The following FLT1 variants were observed in gnomAD, a reference collection of about 807,000 sequenced individuals.
The protein encoded by FLT1 is fms related receptor tyrosine kinase 1.
FLT1 carries 49 observed loss-of-function variants against 156.3 expected under a neutral mutation model. That is an observed-to-expected ratio of 0.31 (90% CI 0.25 to 0.40). FLT1 has a LOEUF of 0.40. Ranked by LOEUF, FLT1 falls within the 10% of genes least tolerant of loss-of-function variation. The pLI is 1.00. For missense variants in FLT1, 1,322 were observed against 1,637.2 expected (o/e 0.81, Z 3.32); for synonymous variants, 594 against 583.8 (o/e 1.02, Z -0.25).
In FLT1 at chr13:28,301,686, TCAAA is replaced by T. The variant is rs1870523209; in HGVS notation, c.*1477_*1480del. Reference sequence around the variant, plus strand: ...TAGACCCTAACTTGCATAAATAGCATCAAACAGAGCCAGCTTAGCGATCCAAGGC... The same window carrying T: ...TAGACCCTAACTTGCATAAATAGCATCAGAGCCAGCTTAGCGATCCAAGGC... On this transcript the variant is annotated 3_prime_UTR_variant, in exon 30 of 30. Coordinates refer to ENST00000282397, the MANE Select transcript of FLT1 (RefSeq NM_002019.4). 1 of 233,122 alleles carries T rather than the reference TCAAA, an allele frequency of 4.3e-6. No individual in the cohort carries two copies. Among genetic ancestry groups the T allele is most frequent in the African/African-American group, 2.2e-5 (1 of 45,316 alleles). The allele number at this position is 233,122 out of a possible 1,614,324, so 14.4% of individuals were successfully genotyped here.
In FLT1 at chr13:28,427,755, T is replaced by C; in HGVS notation, c.1273A>G (p.Asn425Asp). 1 of 1,613,708 alleles carries C rather than the reference T, an allele frequency of 6.2e-7. No individual in the cohort carries two copies. Among genetic ancestry groups the C allele is most frequent in the Non-Finnish European group, 8.5e-7 (1 of 1,179,604 alleles). ...FKNLTATLIV[N>D]VKPQIYEKAV... ...AAAGTATGAACAGCAAACTTACCAT[T>C]GACAATTAGAGTGGCAGTGAGGTTT... The change falls in exon 9 of 30, where the codon AAT (asparagine) becomes GAT (aspartate). Residue 425 changes from asparagine (N) to aspartate (D), a missense_variant. This residue lies in a region of FLT1 where 991 missense variants were observed against 1,254.8 expected (regional missense o/e 0.79). Coordinates refer to ENST00000282397, the MANE Select transcript of FLT1 (RefSeq NM_002019.4).
chr13:28,480,799 C>A (rs1287359560), intron 1 of FLT1, among the ~76,000 whole-genome samples: 3 of 152,146 alleles, frequency 2.0e-5, no homozygotes, highest in African/African-American at 7.2e-5. Flanking sequence ...CCTGACTTCA[C>A]CTGCCACTAG....
chr13:28,322,434 G>T lies in FLT1; in HGVS notation c.2954-75C>A, dbSNP rs1566285611. Reference sequence around the variant, plus strand: ...CCAAATCCCAGTTTATTGGAACAATGTTAGCAAAACATAAAACAAACCAAC... The same window carrying T: ...CCAAATCCCAGTTTATTGGAACAATTTTAGCAAAACATAAAACAAACCAAC... On this transcript the variant is annotated intron_variant, in intron 21 of 29. Coordinates refer to ENST00000282397, the MANE Select transcript of FLT1 (RefSeq NM_002019.4). This position sits in a 1 kb window ranked among gnomAD's most constrained non-coding sequence, Gnocchi z 4.3. 2 of 988,348 alleles carry T rather than the reference G, an allele frequency of 2.0e-6. No individual in the cohort carries two copies. Among genetic ancestry groups the T allele is most frequent in the African/African-American group, 1.6e-5 (1 of 62,950 alleles). 61.2% of individuals were successfully genotyped at this position (988,348 alleles called of 1,614,324 possible). A position where few individuals can be genotyped will look rare whatever the true frequency, so the allele number is the denominator to read the frequency against.
In FLT1 at chr13:28,317,502, C is replaced by T. The variant is rs2138822414; in HGVS notation, c.3382G>A (p.Glu1128Lys). Residue 1128 changes from glutamate to lysine, a missense_variant, in exon 25 of 30, where the codon GAA (glutamate) becomes AAA (lysine). By Grantham distance (56) the Glu-to-Lys change is moderately conservative. Coordinates refer to ENST00000282397, the MANE Select transcript of FLT1 (RefSeq NM_002019.4). ...CAGAGGGCACCAAGGGCTCACATTT[C>T]AGGAGTAGAGTACTCAGGAGCTCTC... ...RMRAPEYSTPEIYQIMLDCWH... is the reference protein window; with the variant it reads ...RMRAPEYSTPKIYQIMLDCWH... 1 of 1,607,446 alleles carries T rather than the reference C, an allele frequency of 6.2e-7. No individual in the cohort carries two copies. The highest frequency in any genetic ancestry group is 8.5e-7 in the Non-Finnish European group (1 of 1,174,192).
intron 20 of FLT1, among the ~76,000 whole-genome samples, chr13:28,324,271 G>A (rs999727046): frequency 6.6e-6 from 1 of 152,212 alleles, no homozygotes; most frequent in Non-Finnish European, 1.5e-5. Context: ...AGAGGGACTG[G>A]AGTTCAGTGG....
intron 14 of FLT1, among the ~76,000 whole-genome samples, chr13:28,373,205 T>C (rs927373292): frequency 6.6e-6 from 1 of 152,192 alleles, no homozygotes; most frequent in Non-Finnish European, 1.5e-5. Flanking sequence ...ATAGAGTATG[T>C]TTTCTGCACT....
intron 13 of FLT1, chr13:28,387,417 A>G: frequency 9.5e-7 from 1 of 1,055,940 alleles, no homozygotes; most frequent in Non-Finnish European, 1.1e-6. Context: ...ATATTTCGAA[A>G]CCTAAGTTAC....
In FLT1 at chr13:28,337,146, A is replaced by C. The variant is rs555468558; in HGVS notation, c.2488+2022T>G. ...AATTCCCTCCCATGGGTTAGTGAGG[A>C]ATCTTTTTTTTTTTTTTAAGATTCT... is the stretch of plus-strand genomic sequence containing the variant. On this transcript the variant is annotated intron_variant, in intron 17 of 29. Coordinates refer to ENST00000282397, the MANE Select transcript of FLT1 (RefSeq NM_002019.4). Among the ~76,000 whole-genome samples the C allele has an allele frequency of 1.0e-4, 15 of 150,624 alleles. No homozygotes were observed. In the East Asian group the frequency reaches 2.7e-3, roughly 27 times the overall value.
chr13:28,441,324 G>C (rs1878324283), intron 3 of FLT1, among the ~76,000 whole-genome samples: 2 of 152,162 alleles, frequency 1.3e-5, no homozygotes, highest in Non-Finnish European at 1.5e-5. Context: ...ACAAACCCTT[G>C]AATCTCTCCA....
chr13:28,428,067 C>T, intron 8 of FLT1, 146 bp from the exon 9 acceptor site: 1 of 695,720 alleles, frequency 1.4e-6, no homozygotes. Context: ...TAGGCATTAA[C>T]TTTTGAGTAA....
At chr13:28,418,158 CTGTT>C (rs1306323403) in intron 10 of FLT1, among the ~76,000 whole-genome samples, 4 of 152,266 alleles carry the variant, frequency 2.6e-5, no homozygotes, top group East Asian at 1.9e-4. Context: ...GGCCCATTAA[CTGTT>C]AGTTAGACTT....
chr13:28,394,763 C>T (rs2057535), intron 12 of FLT1, among the ~76,000 whole-genome samples: 77,174 of 151,940 alleles, frequency 0.51, 19,987 homozygotes, highest in African/African-American at 0.6. Context: ...GCATGCCTAC[C>T]GACAGCCTGT....
chr13:28,356,566 T>C (rs943868047), intron 15 of FLT1, among the ~76,000 whole-genome samples: 2 of 152,212 alleles, frequency 1.3e-5, no homozygotes, highest in African/African-American at 4.8e-5. Context: ...TTTAAAATCA[T>C]CTCCTTGTGA....
Position 28,410,479 on chromosome 13 carries a change from A to G in FLT1, c.1437-4585T>C, listed in dbSNP as rs545463185. ...CAAGACTCCTATAGCAATCCAGTAT[A>G]AAATTCTCATTTCATAAATGATTTC... On this transcript the variant is annotated intron_variant, in intron 10 of 29. Transcript: ENST00000282397. Among the ~76,000 whole-genome samples the G allele has an allele frequency of 7.9e-5, 12 of 152,364 alleles. No individual in the cohort carries two copies. The East Asian group carries it at 2.3e-3, about 29-fold the overall frequency.
At chr13:28,377,710 A>G (rs61763192) in intron 14 of FLT1, among the ~76,000 whole-genome samples, 3,306 of 152,320 alleles carry the variant, frequency 0.022, 60 homozygotes, top group Non-Finnish European at 0.034. Context: ...CTGATAGGAC[A>G]TGCATTCTGG....
intron 14 of FLT1, among the ~76,000 whole-genome samples, chr13:28,378,859 A>G (rs1873956822): frequency 1.3e-5 from 2 of 152,220 alleles, no homozygotes; most frequent in South Asian, 4.1e-4. Context: ...GTACCTGGTA[A>G]ACGCTCAATA....
rs1421478197 is a variant in FLT1, at chr13:28,398,998, T to C, written c.1552-1930A>G. The C allele has an allele frequency of 2.3e-6, 3 of 1,318,254 alleles. No homozygotes were observed. The East Asian group carries it at 7.5e-5, about 33-fold the overall frequency. The allele number at this position is 1,318,254 out of a possible 1,614,324, so 81.7% of individuals were successfully genotyped here. ...TTTTAAGAGGTGGGACATAAAAAAT[T>C]CTGAATAGCCATTTCCTTGTAATTG... On this transcript the variant is annotated intron_variant, in intron 11 of 29. Transcript: ENST00000282397.
chr13:28,462,152 C>T (rs1879613469), intron 3 of FLT1, among the ~76,000 whole-genome samples: 2 of 152,118 alleles, frequency 1.3e-5, no homozygotes, highest in Non-Finnish European at 2.9e-5. Flanking sequence ...AGCTCAACAC[C>T]CTAAGTTTAA....
At position 28,367,780 on chromosome 13, in the gene FLT1, C is replaced by T. The variant is rs149956998; in HGVS notation, c.2117-10095G>A. Among the ~76,000 whole-genome samples, 7 of 152,310 alleles carry T rather than the reference C, an allele frequency of 4.6e-5. No homozygotes were observed. In the East Asian group the frequency reaches 1.2e-3, roughly 25 times the overall value. ...CTGACCAGCAACTTCTGTTTTGTTG[C>T]TCAGTTGACTATATGTATTGTTGAC... is the stretch of plus-strand genomic sequence containing the variant. On this transcript the variant is annotated intron_variant, in intron 14 of 29. Transcript: ENST00000282397.
Sources: allele counts gnomAD v4.1 joint callset (sites outside exome capture counted in the v4.1 genomes callset), GRCh38; gene constraint gnomAD v4.1.1; regional missense constraint gnomAD v4.1.1; non-coding constraint Gnocchi (gnomAD v3.1); transcripts MANE v1.5; gene names NCBI Gene and HGNC (gene_info 2026-07-23, HGNC 2026-07-21).